The following SDHA variants were observed in gnomAD, a reference collection of about 807,000 sequenced individuals.
SDHA encodes succinate dehydrogenase [ubiquinone] flavoprotein subunit, mitochondrial.
SDHA carries 48 observed loss-of-function variants against 78.4 expected under a neutral mutation model. The observed-to-expected ratio is 0.61, with a 90% CI of 0.49 to 0.78. The LOEUF is 0.78. Among genes scored for constraint, SDHA ranks in the 30% least tolerant of loss-of-function variants. The pLI, the probability that SDHA is intolerant of heterozygous loss-of-function variation, is 0.00. For missense variants in SDHA, 680 were observed against 892.7 expected (o/e 0.76, Z 3.04); for synonymous variants, 326 against 353.9 (o/e 0.92, Z 0.88).
rs1412436993 is a variant in SDHA at position 251,482 on chromosome 5, C to T, written c.1794+14C>T. ...GAAGACTACAAGGTGGGCCTTCTCA[C>T]CACGCCCACCTGCACCTGCCTTTTC... On this transcript the variant is annotated intron_variant, in intron 13 of 14. Transcript: ENST00000264932. The T allele has an allele frequency of 6.2e-7, 1 of 1,613,748 alleles. No homozygotes were observed. The highest frequency in any genetic ancestry group is 8.5e-7 in the Non-Finnish European group (1 of 1,179,860).
intron 2 of SDHA, 49 bp downstream of exon 2, chr5:223,617 G>C: frequency 6.9e-7 from 1 of 1,443,202 alleles, no homozygotes; most frequent in Non-Finnish European, 9.8e-7. Context: ...TTGGCTTAGG[G>C]GGTAAGGATC....
intron 9 of SDHA, 87 bp downstream of exon 9, chr5:235,426 GA>G: frequency 1.6e-6 from 2 of 1,278,570 alleles, no homozygotes; most frequent in Non-Finnish European, 2.3e-6. Context: ...GATCTTACAG[GA>G]AAAGATAGAT....
Position 235,206 on chromosome 5 carries a change from T to C in SDHA, c.1127T>C (p.Leu376Pro), listed in dbSNP as rs1433477205. 5.0e-6 allele frequency: 8 copies of C among 1,613,872 alleles called. No homozygotes were observed. The highest frequency in any genetic ancestry group is 2.2e-5 in the East Asian group (1 of 44,894). The part of the protein sequence containing the change: ...LQLHHLPPEQ[L>P]ATRLPGISET... ...CTGCACCACCTACCTCCAGAGCAGC[T>C]GGCCACGCGCCTGCCTGGCATTTCA... Residue 376 changes from leucine to proline, a missense_variant, in exon 9 of 15, where the codon CTG becomes CCG. Coordinates refer to ENST00000264932, the MANE Select transcript of SDHA (RefSeq NM_004168.4).
chr5:262,379 C>T, the SDHA span, among the ~76,000 whole-genome samples: 3 of 150,144 alleles, frequency 2.0e-5, 1 homozygote, highest in Admixed American at 6.6e-5. Context: ...AGCTCCGCCT[C>T]CTGTCCAAGC....
In SDHA at chr5:235,347, T is replaced by G; in HGVS notation, c.1260+8T>G. The G allele has an allele frequency of 6.2e-7, 1 of 1,614,056 alleles. No individual in the cohort carries two copies. The highest frequency in any genetic ancestry group is 8.5e-7 in the Non-Finnish European group (1 of 1,179,904). On this transcript the variant is annotated splice_region_variant and intron_variant, in intron 9 of 14. Coordinates refer to ENST00000264932, the MANE Select transcript of SDHA (RefSeq NM_004168.4). ...ACCAACTACAAGGGGCAGGTGATGG[T>G]GCTGGCTCCTCCCCCACAGCTGGAA...
Position 257,021 on chromosome 5 carries a change from T to TCTCAGACTCCTGGG in SDHA, c.*605_*606insGACTCCTGGGCTCA, listed in dbSNP as rs1554003086. On this transcript the variant is annotated 3_prime_UTR_variant, in exon 15 of 15. Coordinates refer to ENST00000264932, the MANE Select transcript of SDHA (RefSeq NM_004168.4). ...GGTCTCACTGTGTTGCCTAGGCTGG[T>TCTCAGACTCCTGGG]CTCAAGTGATCCTCCCTCCTTGGCC... is the stretch of plus-strand genomic sequence containing the variant. Among the ~76,000 whole-genome samples, 1 of 151,434 alleles carries TCTCAGACTCCTGGG rather than the reference T, an allele frequency of 6.6e-6. No homozygotes were observed. Among genetic ancestry groups the TCTCAGACTCCTGGG allele is most frequent in the Admixed American group, 6.6e-5 (1 of 15,234 alleles).
chr5:227,776 T>G, intron 5 of SDHA: 2 of 275,192 alleles, frequency 7.3e-6, no homozygotes, highest in South Asian at 3.8e-5. Flanking sequence ...AAGAGCTGAA[T>G]GTTTTGACTT....
the SDHA span, among the ~76,000 whole-genome samples, chr5:264,027 T>C: frequency 5.3e-5 from 8 of 152,188 alleles, no homozygotes; most frequent in African/African-American, 1.4e-4. Context: ...GGGAACTCAG[T>C]ACCAGAAGGA....
At chr5:231,114 A>G in intron 7 of SDHA, 114 bp downstream of exon 7, 1 of 1,233,038 alleles carries the variant, frequency 8.1e-7, no homozygotes, top group Non-Finnish European at 1.2e-6. Flanking sequence ...TTTGAAGATC[A>G]GCTTCCTCAG....
intron 9 of SDHA, 85 bp from the exon 10 acceptor site, chr5:236,343 T>G (rs1490313440): frequency 1.7e-5 from 24 of 1,412,922 alleles, no homozygotes; most frequent in Non-Finnish European, 2.2e-5. Context: ...CTCTCTGACC[T>G]GCAGCACAGA....
intron 8 of SDHA, chr5:234,500 A>G (rs535938245): frequency 2.6e-5 from 4 of 154,322 alleles, no homozygotes; most frequent in Non-Finnish European, 5.7e-5. Context: ...CATTGGTTCC[A>G]CATGTGTGGT....
the SDHA span, among the ~76,000 whole-genome samples, chr5:268,158 A>G: frequency 2.0e-5 from 3 of 151,698 alleles, no homozygotes; most frequent in African/African-American, 7.3e-5. Flanking sequence ...GTACATTCAT[A>G]TGAGTATGCA....
At chr5:236,173 C>T (rs6878030) in intron 9 of SDHA, 82,529 of 491,566 alleles carry the variant, frequency 0.17, 11,217 homozygotes, top group African/African-American at 0.53. Context: ...TACAGGCACC[C>T]GCCATTATGC....
chr5:239,733 A>G (rs1420053259), intron 10 of SDHA, among the ~76,000 whole-genome samples: 1 of 151,690 alleles, frequency 6.6e-6, no homozygotes, highest in Non-Finnish European at 1.5e-5. Context: ...GTGGAGTGAC[A>G]TTTATATACA....
chr5:219,962 C>T (rs559249164), intron 1 of SDHA, among the ~76,000 whole-genome samples: 1 of 152,304 alleles, frequency 6.6e-6, no homozygotes, highest in Non-Finnish European at 1.5e-5. Context: ...GCATATTTAT[C>T]GGCATTTCAG....
Position 229,624 on chromosome 5 carries a change from G to C in SDHA, c.771-1252G>C, listed in dbSNP as rs570334013. Among the ~76,000 whole-genome samples the C allele has an allele frequency of 2.5e-3, 375 of 152,364 alleles. 1 individual carries two copies. Among genetic ancestry groups the C allele is most frequent in the African/African-American group, 8.8e-3 (364 of 41,576 alleles). On this transcript the variant is annotated intron_variant, in intron 6 of 14. Transcript: ENST00000264932. ...CAGACTGTGGCGATGCTGATTAAAG[G>C]TGTAACTTCCCGTTACAAGGTGAAG...
chr5:244,594 A>G (rs1045287080), intron 11 of SDHA, among the ~76,000 whole-genome samples: 10 of 152,208 alleles, frequency 6.6e-5, no homozygotes, highest in African/African-American at 2.4e-4. Context: ...ATTCAGGGAA[A>G]GAAATTTAAA....
chr5:228,529 CAG>C (rs1735192708), intron 6 of SDHA, among the ~76,000 whole-genome samples, 196 bp downstream of exon 6: 1 of 152,168 alleles, frequency 6.6e-6, no homozygotes, highest in African/African-American at 2.4e-5. Flanking sequence ...GCACCTGCCT[CAG>C]GGTGAGAAAG....
chr5:267,840 T>C, the SDHA span, among the ~76,000 whole-genome samples: 2 of 152,216 alleles, frequency 1.3e-5, no homozygotes, highest in Admixed American at 1.3e-4. Flanking sequence ...CTTCCAGTGA[T>C]TGGGTCAGCA....
Sources: allele counts gnomAD v4.1 joint callset (sites outside exome capture counted in the v4.1 genomes callset), GRCh38; gene constraint gnomAD v4.1.1; transcripts MANE v1.5; gene names NCBI Gene and HGNC (gene_info 2026-07-23, HGNC 2026-07-21).